The following TGM1 variants were observed in gnomAD, a reference collection of about 807,000 sequenced individuals.
TGM1 encodes transglutaminase 1.
In TGM1, 63 loss-of-function variants were observed where a neutral mutation model predicts 88.7. The ratio of observed to expected loss-of-function variants is 0.71; its 90% CI spans 0.58 to 0.88. The LOEUF is 0.88. Ranked by LOEUF, TGM1 falls within the 40% of genes least tolerant of loss-of-function variation. The probability of loss-of-function intolerance (pLI) is 0.00; values close to 1 mark genes in which losing one functional copy is unlikely to be tolerated. For missense variants in TGM1, 996 were observed against 1,118.0 expected (o/e 0.89, Z 1.56); for synonymous variants, 415 against 431.1 (o/e 0.96, Z 0.46).
Position 24,256,061 on chromosome 14 carries a change from G to T in TGM1, c.1419C>A (p.Gly473=). ...QETSSGIFCC[G]PCSVESIKNG... ...TCTTGATGGACTCCACAGAGCAGGG[G>T]CCGCAGCAGAAGATGCCTAGAGAGT... is the stretch of plus-strand genomic sequence containing the variant. The change falls in exon 10 of 15, where the codon GGC becomes GGA. Residue 473 remains glycine (G), a synonymous_variant. Transcript: ENST00000206765. 3.8e-6 allele frequency: 6 copies of T among 1,567,942 alleles called. No homozygotes were observed. Among genetic ancestry groups the T allele is most frequent in the Non-Finnish European group, 5.2e-6 (6 of 1,155,276 alleles).
chr14:24,261,213 TA>T (rs2040805862), intron 3 of TGM1, among the ~76,000 whole-genome samples: 1 of 152,036 alleles, frequency 6.6e-6, no homozygotes, highest in Non-Finnish European at 1.5e-5. Flanking sequence ...GGCAGCAGCA[TA>T]ATCACCAGCC....
At chr14:24,258,695 G>C (rs771156076) in intron 7 of TGM1, 22 bp from the exon 8 acceptor site, 8 of 1,612,810 alleles carry the variant, frequency 5.0e-6, no homozygotes, top group Non-Finnish European at 6.8e-6. Context: ...CGAAGGTTGG[G>C]GTTCAAGGCA....
intron 3 of TGM1, 135 bp from the exon 4 acceptor site, chr14:24,260,833 C>A (rs914368320): frequency 8.5e-7 from 1 of 1,175,684 alleles, no homozygotes; most frequent in Non-Finnish European, 1.2e-6. Flanking sequence ...TCACCTTATT[C>A]TCTGACAGTC....
At chr14:24,250,494 A>AC (rs2040692903) in intron 14 of TGM1, among the ~76,000 whole-genome samples, 1 of 150,896 alleles carries the variant, frequency 6.6e-6, no homozygotes, top group Admixed American at 6.6e-5. Context: ...CAGCCTCATC[A>AC]CCCCCCATCA....
rs35755034 is a variant in TGM1, at chr14:24,260,481, C to T, written c.726G>A (p.Glu242=). Residue 242 remains glutamate, a synonymous_variant, in exon 4 of 15, where the codon GAG becomes GAA. Transcript: ENST00000206765. The part of the protein sequence containing the change: ...EFQLPFDPRN[E]IYILFNPWCP... Reference sequence around the variant, plus strand: ...ACCAGGGGTTGAAGAGGATGTAGATCTCATTGCGGGGGTCAAAGGGCAACT... The same window carrying T: ...ACCAGGGGTTGAAGAGGATGTAGATTTCATTGCGGGGGTCAAAGGGCAACT... 44,526 of 1,614,194 alleles carry T rather than the reference C, an allele frequency of 0.028. 1,103 individuals are homozygous for T. Among genetic ancestry groups the T allele is most frequent in the African/African-American group, 0.11 (7,907 of 75,030 alleles).
chr14:24,254,046 G>T, intron 14 of TGM1, 106 bp downstream of exon 14: 1 of 1,511,378 alleles, frequency 6.6e-7, no homozygotes, highest in Non-Finnish European at 9.0e-7. Context: ...GTTGGGTCCT[G>T]ACAGAACATA....
rs1355396244 is a variant in TGM1 at position 24,259,706 on chromosome 14, T to C, written c.982A>G (p.Met328Val). Residue 328 changes from methionine (M) to valine (V), a missense_variant and splice_region_variant, in exon 6 of 15, where the codon ATG becomes GTG. By Grantham distance (21) the Met-to-Val change is conservative (BLOSUM62 1). Coordinates refer to ENST00000206765, the MANE Select transcript of TGM1 (RefSeq NM_000359.3). This position sits in a 1 kb window ranked among gnomAD's most constrained non-coding sequence, Gnocchi z 5.7. ...CTCAGAGATGTGAGGGTGCTCACCA[T>C]GGCAGAGATGACCCGGGAGACATTG... ...PVNVSRVISA[M>V]VNSLDDNGVL... The C allele has an allele frequency of 2.5e-6, 4 of 1,610,122 alleles. No individual in the cohort carries two copies. The highest frequency in any genetic ancestry group is 3.4e-6 in the Non-Finnish European group (4 of 1,178,416).
At chr14:24,258,967 C>G in intron 7 of TGM1, 108 bp downstream of exon 7, 1 of 1,329,912 alleles carries the variant, frequency 7.5e-7, no homozygotes, top group Non-Finnish European at 1.1e-6. Context: ...TACCCACCCC[C>G]GCCTGCACCC....
chr14:24,254,141 G>T lies in TGM1; in HGVS notation c.2225+11C>A. On this transcript the variant is annotated intron_variant, in intron 14 of 14. Transcript: ENST00000206765. ...AGTGGAAGCAGGGGTAGGGGGAGAGGCCAGACTCACCCAACGTTGAGGATC... is the reference window on the plus strand; with the variant it reads ...AGTGGAAGCAGGGGTAGGGGGAGAGTCCAGACTCACCCAACGTTGAGGATC... 2.5e-6 allele frequency: 4 copies of T among 1,607,206 alleles called. No individual in the cohort carries two copies. Among genetic ancestry groups the T allele is most frequent in the Non-Finnish European group, 3.4e-6 (4 of 1,176,756 alleles).
chr14:24,259,785 G>A lies in TGM1; in HGVS notation c.903C>T (p.Cys301=). Residue 301 remains cysteine, a synonymous_variant, in exon 6 of 15, where the codon TGC becomes TGT. Coordinates refer to ENST00000206765, the MANE Select transcript of TGM1 (RefSeq NM_000359.3). The surrounding 1 kb of genome is among the most constrained non-coding windows in gnomAD (Gnocchi z 5.7). ...TCCCCCGCCGGTCCAGGATGTATAAGCAGGCATCCAGCACCCCGTGGTCAA... is the reference window on the plus strand; with the variant it reads ...TCCCCCGCCGGTCCAGGATGTATAAACAGGCATCCAGCACCCCGTGGTCAA... The part of the protein sequence containing the change: ...GQFDHGVLDA[C]LYILDRRGMP... 1.2e-6 allele frequency: 2 copies of A among 1,613,316 alleles called. No individual in the cohort carries two copies. Among genetic ancestry groups the A allele is most frequent in the Non-Finnish European group, 8.5e-7 (1 of 1,179,918 alleles).
chr14:24,251,578 A>G (rs1360954855), intron 14 of TGM1, among the ~76,000 whole-genome samples: 2 of 152,226 alleles, frequency 1.3e-5, no homozygotes, highest in Admixed American at 1.3e-4. Flanking sequence ...AGTGTGGGTC[A>G]TGAAACCAAC....
In TGM1 at chr14:24,259,142, G is replaced by C. The variant is rs764663238; in HGVS notation, c.1092C>G (p.Ser364Arg). The change falls in exon 7 of 15, where the codon AGC becomes AGG. Residue 364 changes from serine to arginine, a missense_variant. Coordinates refer to ENST00000206765, the MANE Select transcript of TGM1 (RefSeq NM_000359.3). This position sits in a 1 kb window ranked among gnomAD's most constrained non-coding sequence, Gnocchi z 5.7. ...GGACGGAATATCCCGTGCGTAGGTA[G>C]CTAAGCAGGATCTCCACGCTGCCCA... Reference protein sequence around the residue: ...AWVGSVEILLSYLRTGYSVPY... With the variant: ...AWVGSVEILLRYLRTGYSVPY... 6.2e-7 allele frequency: 1 copy of C among 1,614,204 alleles called. No homozygotes were observed. The highest frequency in any genetic ancestry group is 8.5e-7 in the Non-Finnish European group (1 of 1,180,026).
chr14:24,254,372 C>G, intron 13 of TGM1, 84 bp from the exon 14 acceptor site: 2 of 1,603,244 alleles, frequency 1.2e-6, no homozygotes, highest in Non-Finnish European at 1.7e-6. Flanking sequence ...AGAGGGGAAG[C>G]TGCTTAGAAG....
At position 24,249,270 on chromosome 14, in the gene TGM1, T is replaced by G; in HGVS notation, c.*43A>C. On this transcript the variant is annotated 3_prime_UTR_variant, in exon 15 of 15. Transcript: ENST00000206765. ...AGTGTGCCCCTATCTTGGGGCAATG[T>G]CCTTGCTCATCTGACTCCAGTCCCA... 1 of 1,581,628 alleles carries G rather than the reference T, an allele frequency of 6.3e-7. No homozygotes were observed. Among genetic ancestry groups the G allele is most frequent in the Non-Finnish European group, 8.7e-7 (1 of 1,155,396 alleles).
At position 24,259,998 on chromosome 14, in the gene TGM1, C is replaced by A; in HGVS notation, c.818G>T (p.Gly273Val). The A allele has an allele frequency of 6.2e-7, 1 of 1,614,178 alleles. No individual in the cohort carries two copies. The highest frequency in any genetic ancestry group is 8.5e-7 in the Non-Finnish European group (1 of 1,180,032). The change falls in exon 5 of 15, where the codon GGG becomes GTG. Residue 273 changes from glycine (G) to valine (V), a missense_variant. Gly to Val is a moderately radical substitution (Grantham distance 109, BLOSUM62 -3). Transcript: ENST00000206765. The surrounding 1 kb of genome is among the most constrained non-coding windows in gnomAD (Gnocchi z 5.7). ...WRQEYVLNESGRIYYGTEAQI... is the reference protein window; with the variant it reads ...WRQEYVLNESVRIYYGTEAQI... ...TGCTTCGGTCCCGTAGTAAATTCTC[C>A]CAGACTCATTAAGAACATACTCCTG...
intron 9 of TGM1, among the ~76,000 whole-genome samples, chr14:24,257,210 A>T (rs1427180160): frequency 6.6e-6 from 1 of 152,114 alleles, no homozygotes; most frequent in Non-Finnish European, 1.5e-5. Flanking sequence ...GAGGGAGGGC[A>T]CTGGGAAGAG....
intron 14 of TGM1, 102 bp downstream of exon 14, chr14:24,254,050 G>T: frequency 6.6e-7 from 1 of 1,516,162 alleles, no homozygotes; most frequent in South Asian, 1.2e-5. Context: ...GGTCCTGACA[G>T]AACATACTTG....
At position 24,262,208 on chromosome 14, in the gene TGM1, C is replaced by T; in HGVS notation, c.145G>A (p.Gly49Ser). ...GCCGCATTTCGGCATGAACAGCAGC[C>T]ACAGCAGCGAGCCCAGAAGGAACGG... The part of the protein sequence containing the change: ...GGRSFWARCC[G>S]CCSCRNAADD... The change falls in exon 2 of 15, where the codon GGC becomes AGC. Residue 49 changes from glycine (G) to serine (S), a missense_variant. Transcript: ENST00000206765. The T allele has an allele frequency of 6.2e-7, 1 of 1,613,890 alleles. No individual in the cohort carries two copies. The highest frequency in any genetic ancestry group is 8.5e-7 in the Non-Finnish European group (1 of 1,180,044).
chr14:24,260,289 G>C, intron 4 of TGM1, 161 bp downstream of exon 4: 1 of 1,240,486 alleles, frequency 8.1e-7, no homozygotes, highest in Non-Finnish European at 1.1e-6. Flanking sequence ...ACCCTGGGCT[G>C]GCCACCTTTC....
Sources: gnomAD v4.1 joint callset for allele counts (sites outside exome capture counted in the v4.1 genomes callset) on GRCh38, gnomAD v4.1.1 for gene constraint, Gnocchi (gnomAD v3.1) non-coding constraint, MANE v1.5 for transcripts, NCBI Gene and HGNC (gene_info 2026-07-23, HGNC 2026-07-21) for gene names.